Variants in ARNT observed in about 807,000 individuals in gnomAD.
The protein encoded by ARNT is class E basic helix-loop-helix protein 2.
A neutral mutation model predicts 105.0 loss-of-function variants in ARNT; 30 were observed. The ratio of observed to expected loss-of-function variants is 0.29; its 90% confidence interval spans 0.21 to 0.39. The LOEUF is 0.39. ARNT is among the 10% of genes least tolerant of loss of function. The pLI is 1.00. For synonymous variants in ARNT, 304 were observed against 344.0 expected, an observed-to-expected ratio of 0.88 and a Z score of 1.29; for missense variants, 748 against 978.7, an observed-to-expected ratio of 0.76 and a Z score of 3.15.
At chr1:150,864,820 AAT>A (rs1666279887) in intron 1 of ARNT, among the ~76,000 whole-genome samples, 1 of 148,298 alleles carries the variant, frequency 6.7e-6, no homozygotes, top group South Asian at 2.1e-4. Context: ...ACATATAAAT[AAT>A]ATGTGGTGGA....
intron 21 of ARNT, among the ~76,000 whole-genome samples, chr1:150,812,421 T>G (rs986091842): frequency 1.3e-5 from 2 of 152,198 alleles, no homozygotes; most frequent in Non-Finnish European, 2.9e-5. Flanking sequence ...CTTATCCTAT[T>G]TGTTTTCCAC....
Position 150,816,807 on chromosome 1 carries a change from G to A in ARNT, c.1783C>T (p.Arg595Trp), listed in dbSNP as rs587670365. Residue 595 changes from arginine (R) to tryptophan (W), a missense_variant, in exon 18 of 22, where the codon CGG becomes TGG. Physicochemically the swap from Arg to Trp is moderately radical, Grantham distance 101 (BLOSUM62 -3). This residue lies in a region of ARNT where 360 missense variants were observed against 411.9 expected (regional missense o/e 0.87). Coordinates refer to ENST00000358595, the MANE Select transcript of ARNT (RefSeq NM_001668.4). ...SQGNTFPPTP[R>W]PAENFRNSGL... The stretch of plus-strand genomic sequence containing the variant: ...GCTCACCTGAAATTCTCTGCCGGCC[G>A]GGGGGTAGGAGGGAATGTGTTGCCC... 1.5e-5 allele frequency: 24 copies of A among 1,580,814 alleles called. No individual in the cohort carries two copies. The highest frequency in any genetic ancestry group is 2.8e-5 in the African/African-American group (2 of 72,508).
At chr1:150,851,753 C>T (rs1361516922) in intron 3 of ARNT, among the ~76,000 whole-genome samples, 1 of 152,160 alleles carries the variant, frequency 6.6e-6, no homozygotes, top group East Asian at 1.9e-4. Flanking sequence ...CTAGGAAAAC[C>T]AGAGACCTTT....
chr1:150,851,969 A>C (rs1663680415), intron 3 of ARNT, among the ~76,000 whole-genome samples: 1 of 151,778 alleles, frequency 6.6e-6, no homozygotes, highest in Admixed American at 6.6e-5. Context: ...AATCGCTAGA[A>C]CCCAGGAGGC....
intron 1 of ARNT, among the ~76,000 whole-genome samples, chr1:150,868,949 C>T (rs775435499): frequency 2.6e-5 from 4 of 151,302 alleles, no homozygotes; most frequent in Non-Finnish European, 5.9e-5. Context: ...GGCAACATAG[C>T]GAGATCCTGT....
intron 1 of ARNT, 149 bp downstream of exon 1, chr1:150,876,394 A>C (rs1571576745): frequency 2.7e-5 from 30 of 1,121,510 alleles, no homozygotes; most frequent in East Asian, 9.0e-5. Context: ...GCCCCTCCCC[A>C]GGTCACCGCT....
At chr1:150,850,668 A>C (rs950295482) in intron 3 of ARNT, among the ~76,000 whole-genome samples, 2 of 152,192 alleles carry the variant, frequency 1.3e-5, no homozygotes, top group African/African-American at 2.4e-5. Context: ...TTGGCTTCCC[A>C]AAGTGCCAGG....
chr1:150,871,164 A>G (rs1160709063), intron 1 of ARNT, among the ~76,000 whole-genome samples: 2 of 152,004 alleles, frequency 1.3e-5, no homozygotes, highest in African/African-American at 2.4e-5. Flanking sequence ...TATAGAAGGA[A>G]CTTAATTATC....
intron 11 of ARNT, 139 bp from the exon 12 acceptor site, chr1:150,829,366 G>GAA: frequency 2.2e-6 from 2 of 896,706 alleles, no homozygotes; most frequent in Non-Finnish European, 3.3e-6. Flanking sequence ...ATCCAAAAAG[G>GAA]AAAAAAAAAT....
rs587608004 is a variant in ARNT at position 150,817,526 on chromosome 1, G to A, written c.1506-93C>T. ...AAAGAACCTTAAAACAAATTAAACA[G>A]GCCGGGCATGGTGGCTCATGCCTGT... is the stretch of plus-strand genomic sequence containing the variant. On this transcript the variant is annotated intron_variant, in intron 15 of 21. Coordinates refer to ENST00000358595, the MANE Select transcript of ARNT (RefSeq NM_001668.4). 1.1e-5 allele frequency: 14 copies of A among 1,229,284 alleles called. No homozygotes were observed. The African/African-American group carries it at 2.1e-4, about 19-fold the overall frequency. The allele number at this position is 1,229,284 out of a possible 1,614,324, so 76.1% of individuals were successfully genotyped here. A position where few individuals can be genotyped will look rare whatever the true frequency, so the allele number is the denominator to read the frequency against.
At position 150,824,697 on chromosome 1, in the gene ARNT, C is replaced by T. The variant is rs763469689; in HGVS notation, c.1243-1352G>A. 4.0e-5 allele frequency among the ~76,000 whole-genome samples: 6 copies of T among 151,826 alleles called. No homozygotes were observed. In the South Asian group the frequency reaches 6.2e-4, roughly 16 times the overall value. Reference sequence around the variant, plus strand: ...CTCAAACTCCTGACCTCAAATGATCCGCCTGCCTTGGCCTCCCAAAGTGCT... The same window carrying T: ...CTCAAACTCCTGACCTCAAATGATCTGCCTGCCTTGGCCTCCCAAAGTGCT... On this transcript the variant is annotated intron_variant, in intron 13 of 21. Coordinates refer to ENST00000358595, the MANE Select transcript of ARNT (RefSeq NM_001668.4).
intron 4 of ARNT, among the ~76,000 whole-genome samples, chr1:150,844,035 AT>A (rs1661731419): frequency 6.6e-6 from 1 of 152,232 alleles, no homozygotes; most frequent in Non-Finnish European, 1.5e-5. Context: ...AAAATCATTC[AT>A]GCGATGTTTT....
chr1:150,839,539 T>C lies in ARNT; in HGVS notation c.388A>G (p.Thr130Ala), dbSNP rs1056979657. 1.2e-6 allele frequency: 2 copies of C among 1,614,148 alleles called. No homozygotes were observed. Among genetic ancestry groups the C allele is most frequent in the Non-Finnish European group, 1.7e-6 (2 of 1,180,020 alleles). ...TGAGAAACTGCCATGCGTAAGATGG[T>C]TAGCTTGTCTGGTTTTCGAGCCAGG... ...SALARKPDKLTILRMAVSHMK... is the reference protein window; with the variant it reads ...SALARKPDKLAILRMAVSHMK... The change falls in exon 6 of 22, where the codon ACC becomes GCC. Residue 130 changes from threonine (T) to alanine (A), a missense_variant. Transcript: ENST00000358595.
At chr1:150,851,369 C>T (rs1663489445) in intron 3 of ARNT, among the ~76,000 whole-genome samples, 1 of 152,208 alleles carries the variant, frequency 6.6e-6, no homozygotes, top group African/African-American at 2.4e-5. Flanking sequence ...TACCCAACAG[C>T]TCATTGAGAA....
chr1:150,871,648 G>A (rs1400496650), intron 1 of ARNT, among the ~76,000 whole-genome samples: 3 of 147,562 alleles, frequency 2.0e-5, no homozygotes, highest in Non-Finnish European at 4.5e-5. Context: ...GGCGGCTCAC[G>A]CCTGTAATCC....
intron 3 of ARNT, among the ~76,000 whole-genome samples, chr1:150,848,217 G>A (rs1662616759): frequency 6.6e-6 from 1 of 152,200 alleles, no homozygotes; most frequent in Admixed American, 6.5e-5. Context: ...TGTAATCCCA[G>A]CACTTTGGGA....
In ARNT at chr1:150,841,326, A is replaced by G. The variant is rs1457794014; in HGVS notation, c.272+1098T>C. ...CAAAAGTTCTTTGTCCAAAAAAAAAAGAAAGTAAGAAAATTAAAAATCTAA... is the reference window on the plus strand; with the variant it reads ...CAAAAGTTCTTTGTCCAAAAAAAAAGGAAAGTAAGAAAATTAAAAATCTAA... On this transcript the variant is annotated intron_variant, in intron 5 of 21. Transcript: ENST00000358595. Among the ~76,000 whole-genome samples, 4 of 151,966 alleles carry G rather than the reference A, an allele frequency of 2.6e-5. No individual in the cohort carries two copies. In the East Asian group the frequency reaches 5.8e-4, roughly 22 times the overall value.
intron 9 of ARNT, 128 bp downstream of exon 9, chr1:150,832,186 AGTAAGTGGGAGGTAAGGGAT>A (rs1197897236): frequency 1.5e-5 from 12 of 825,748 alleles, no homozygotes; most frequent in Admixed American, 2.3e-5. Flanking sequence ...CCAGAAAAAA[AGTAAGTGGGAGGTAAGGGAT>A]GTTAAGTGGG....
chr1:150,829,326 G>T, intron 11 of ARNT, 99 bp from the exon 12 acceptor site: 1 of 1,286,984 alleles, frequency 7.8e-7, no homozygotes, highest in Non-Finnish European at 1.1e-6. Context: ...AAGATTCCCA[G>T]TTTTAGGACT....
Sources: gnomAD v4.1 joint callset for allele counts (sites outside exome capture counted in the v4.1 genomes callset) on GRCh38, gnomAD v4.1.1 for gene constraint, gnomAD v4.1.1 regional missense constraint, MANE v1.5 for transcripts, NCBI Gene and HGNC (gene_info 2026-07-23, HGNC 2026-07-21) for gene names.